Variants in FAAH2 observed in about 807,000 individuals in gnomAD.
The protein encoded by FAAH2 is fatty acid amide hydrolase 2.
A neutral mutation model predicts 36.9 loss-of-function variants in FAAH2; 60 were observed. The observed-to-expected ratio is 1.63, with a 90% confidence interval of 1.32 to 2.02. The LOEUF (loss-of-function observed/expected upper bound fraction) is 2.02, where lower values mean the gene tolerates loss of function less well. FAAH2 is among the 30% of genes most tolerant of loss of function. The pLI, the probability that FAAH2 is intolerant of heterozygous loss-of-function variation, is 0.00. For missense variants in FAAH2, 689 were observed against 397.5 expected, an observed-to-expected ratio of 1.73 and a Z score of -6.23; for synonymous variants, 214 against 143.8, an observed-to-expected ratio of 1.49 and a Z score of -3.49.
upstream of FAAH2, among the ~76,000 whole-genome samples, chrX:57,283,700 C>T (rs1451871305): frequency 9.0e-6 from 1 of 110,800 alleles, no homozygotes; most frequent in Non-Finnish European, 1.9e-5. Flanking sequence ...AGACTGGGCT[C>T]CTCTCTGTAT....
the FAAH2 span, among the ~76,000 whole-genome samples, chrX:57,230,362 A>C: frequency 8.9e-6 from 1 of 112,254 alleles, no homozygotes. Context: ...CAAGAGGTAG[A>C]ATAGTAGTTT....
At chrX:57,442,274 T>C (rs2056576195) in intron 8 of FAAH2, among the ~76,000 whole-genome samples, 1 of 111,669 alleles carries the variant, frequency 9.0e-6, no homozygotes. Flanking sequence ...AATGACTTGC[T>C]TTATGAATCT....
intron 7 of FAAH2, among the ~76,000 whole-genome samples, chrX:57,425,793 C>T (rs914192926): frequency 3.7e-4 from 41 of 110,794 alleles, no homozygotes; most frequent in African/African-American, 1.3e-3. Context: ...AAAGAATATA[C>T]GAAAAAACTA....
the FAAH2 span, among the ~76,000 whole-genome samples, chrX:57,155,153 G>A: frequency 8.9e-6 from 1 of 112,055 alleles, no homozygotes; most frequent in Non-Finnish European, 1.9e-5. Context: ...GTTTTGTGCT[G>A]GTTGGCCTCC....
chrX:57,374,429 C>A (rs761168118), intron 5 of FAAH2, among the ~76,000 whole-genome samples: 14 of 111,535 alleles, frequency 1.3e-4, no homozygotes, highest in Non-Finnish European at 2.4e-4. Flanking sequence ...TCTTTCACCT[C>A]CCGGGTTAGG....
the FAAH2 span, among the ~76,000 whole-genome samples, chrX:57,122,365 A>G: frequency 9.0e-6 from 1 of 111,725 alleles, no homozygotes; most frequent in Non-Finnish European, 1.9e-5. Flanking sequence ...GGTCCGTAAA[A>G]CTCAATTTTA....
the FAAH2 span, among the ~76,000 whole-genome samples, chrX:57,164,239 T>G: frequency 1.1e-4 from 12 of 112,230 alleles, no homozygotes; most frequent in African/African-American, 3.6e-4. Flanking sequence ...GATGTCATGG[T>G]ATGAGGAGAT....
intron 8 of FAAH2, among the ~76,000 whole-genome samples, chrX:57,434,111 G>A (rs1195510267): frequency 2.0e-5 from 2 of 99,515 alleles, no homozygotes; most frequent in African/African-American, 3.8e-5. Flanking sequence ...TTGAGACAGA[G>A]TCTCACTCTG....
At chrX:57,436,533 G>A (rs867482021) in intron 8 of FAAH2, among the ~76,000 whole-genome samples, 1 of 109,345 alleles carries the variant, frequency 9.1e-6, no homozygotes, top group Non-Finnish European at 1.9e-5. Flanking sequence ...AATGAAAAAA[G>A]AGAGATTACA....
At position 57,287,017 on chromosome X, in the gene FAAH2, G is replaced by A; in HGVS notation, c.192G>A (p.Lys64=). 1 of 1,180,090 alleles carries A rather than the reference G, an allele frequency of 8.5e-7. No homozygotes were observed. The highest frequency in any genetic ancestry group is 1.9e-5 in the South Asian group (1 of 52,047). ...MQLAKLIRQR[K]VKCIDVVQAY... Reference sequence around the variant, plus strand: ...TGGCCAAGCTGATCCGACAGAGAAAGGTGAGAATGCAATTCAGAAGAGGCT... The same window carrying A: ...TGGCCAAGCTGATCCGACAGAGAAAAGTGAGAATGCAATTCAGAAGAGGCT... Residue 64 remains lysine, a splice_region_variant and synonymous_variant, in exon 1 of 11, where the codon AAG becomes AAA. Transcript: ENST00000374900.
At chrX:57,362,893 A>G (rs998264074) in intron 5 of FAAH2, among the ~76,000 whole-genome samples, 1 of 111,488 alleles carries the variant, frequency 9.0e-6, no homozygotes. Context: ...TATAGATTTG[A>G]AGCTTTATTT....
intron 7 of FAAH2, among the ~76,000 whole-genome samples, chrX:57,400,239 C>A (rs1304141934): frequency 1.8e-5 from 2 of 111,788 alleles, no homozygotes; most frequent in African/African-American, 6.5e-5. Context: ...CACGAGATGT[C>A]CACACAGTAA....
chrX:57,328,349 C>T (rs2053286790), intron 3 of FAAH2, among the ~76,000 whole-genome samples: 1 of 111,694 alleles, frequency 9.0e-6, no homozygotes, highest in Non-Finnish European at 1.9e-5. Context: ...GGGAGAACCA[C>T]TATGCCACTT....
At chrX:57,248,942 CATAAT>C in the FAAH2 span, among the ~76,000 whole-genome samples, 3 of 108,844 alleles carry the variant, frequency 2.8e-5, no homozygotes, top group African/African-American at 1.0e-4. Context: ...TTGGGCTTCA[CATAAT>C]ATGTCTGCCT....
intron 8 of FAAH2, among the ~76,000 whole-genome samples, chrX:57,437,966 C>T (rs1031503496): frequency 1.1e-4 from 11 of 100,711 alleles, no homozygotes; most frequent in East Asian, 3.1e-4. Flanking sequence ...TATATACATA[C>T]GTATATGTAT....
At chrX:57,488,691 T>C (rs780853991) in intron 10 of FAAH2, 66 bp from the exon 11 acceptor site, 1 of 1,064,782 alleles carries the variant, frequency 9.4e-7, no homozygotes, top group East Asian at 3.2e-5. Context: ...ATTGGTAAAA[T>C]AATTGAAAAA....
intron 7 of FAAH2, among the ~76,000 whole-genome samples, chrX:57,423,017 A>G (rs1440876496): frequency 3.6e-5 from 4 of 111,884 alleles, no homozygotes; most frequent in Admixed American, 9.5e-5. Context: ...TCTCTGATAC[A>G]TATTTTCATT....
At chrX:57,312,246 G>A (rs1386913472) in intron 3 of FAAH2, among the ~76,000 whole-genome samples, 1 of 112,290 alleles carries the variant, frequency 8.9e-6, no homozygotes, top group East Asian at 2.8e-4. Context: ...TGCACAGCTT[G>A]GTATTAAACT....
intron 5 of FAAH2, among the ~76,000 whole-genome samples, chrX:57,363,696 T>C (rs1183401552): frequency 9.0e-6 from 1 of 111,417 alleles, no homozygotes; most frequent in Non-Finnish European, 1.9e-5. Flanking sequence ...ACATTGGCTG[T>C]TAGTTTTTCA....
Sources: gnomAD v4.1 joint callset for allele counts (sites outside exome capture counted in the v4.1 genomes callset) on GRCh38, gnomAD v4.1.1 for gene constraint, MANE v1.5 for transcripts, NCBI Gene and HGNC (gene_info 2026-07-23, HGNC 2026-07-21) for gene names.